Variants in SLC30A7 observed in about 807,000 individuals in gnomAD.
SLC30A7 encodes zinc transporter 7.
SLC30A7 carries 35 observed loss-of-function variants against 46.0 expected under a neutral mutation model. The ratio of observed to expected loss-of-function variants is 0.76; its 90% confidence interval spans 0.58 to 1.01. The LOEUF (loss-of-function observed/expected upper bound fraction) is 1.01, where lower values mean the gene tolerates loss of function less well. Among genes scored for constraint, SLC30A7 ranks in the 50% least tolerant of loss-of-function variants. SLC30A7 has a pLI of 0.00. For missense variants in SLC30A7, 464 were observed against 451.1 expected (o/e 1.03, Z -0.26); for synonymous variants, 147 against 157.8 (o/e 0.93, Z 0.51).
intron 8 of SLC30A7, among the ~76,000 whole-genome samples, chr1:100,940,364 G>C (rs1224930403): frequency 6.6e-6 from 1 of 152,158 alleles, no homozygotes; most frequent in Admixed American, 6.5e-5. Context: ...TTAAGGGGTA[G>C]CTGTGGCTCA....
chr1:100,959,892 G>C (rs1032016457), intron 8 of SLC30A7, among the ~76,000 whole-genome samples: 2 of 152,140 alleles, frequency 1.3e-5, no homozygotes, highest in Non-Finnish European at 2.9e-5. Flanking sequence ...GGACCACTTA[G>C]GAAGCTATTA....
chr1:100,974,551 A>T (rs1001059726), intron 10 of SLC30A7, among the ~76,000 whole-genome samples: 2 of 152,162 alleles, frequency 1.3e-5, no homozygotes, highest in Non-Finnish European at 2.9e-5. Context: ...GTAGAAGGTG[A>T]ACTGCATTTT....
intron 2 of SLC30A7, among the ~76,000 whole-genome samples, chr1:100,899,544 A>T (rs1196665096): frequency 6.6e-6 from 1 of 152,158 alleles, no homozygotes; most frequent in African/African-American, 2.4e-5. Flanking sequence ...CAAGTTACAG[A>T]AAAACTCTGC....
intron 8 of SLC30A7, among the ~76,000 whole-genome samples, chr1:100,950,253 C>T (rs888059723): frequency 2.3e-4 from 35 of 152,310 alleles, no homozygotes; most frequent in African/African-American, 7.5e-4. Context: ...AGTCATACCT[C>T]AGCAACTAAA....
chr1:100,905,199 T>G (rs1651571516), intron 2 of SLC30A7, among the ~76,000 whole-genome samples: 1 of 152,202 alleles, frequency 6.6e-6, no homozygotes, highest in African/African-American at 2.4e-5. Flanking sequence ...TGACAGTATT[T>G]TTTTTCTCTT....
At chr1:100,933,740 A>C (rs1379711021) in intron 8 of SLC30A7, among the ~76,000 whole-genome samples, 1 of 152,334 alleles carries the variant, frequency 6.6e-6, no homozygotes, top group Admixed American at 6.5e-5. Flanking sequence ...TACAAAGGAC[A>C]TGAACTCATC....
downstream of SLC30A7, among the ~76,000 whole-genome samples, chr1:100,984,161 CT>C (rs1657139420): frequency 1.3e-5 from 2 of 152,148 alleles, no homozygotes; most frequent in African/African-American, 4.8e-5. Flanking sequence ...GGAACTAAAA[CT>C]TTGGGGGAGG....
intron 6 of SLC30A7, among the ~76,000 whole-genome samples, chr1:100,914,444 C>G (rs1442950133): frequency 1.3e-5 from 2 of 152,016 alleles, no homozygotes; most frequent in Non-Finnish European, 2.9e-5. Context: ...GCCTTTTGTG[C>G]TATATTGGCT....
At chr1:100,943,500 T>C (rs1306925363) in intron 8 of SLC30A7, among the ~76,000 whole-genome samples, 1 of 152,188 alleles carries the variant, frequency 6.6e-6, no homozygotes, top group Non-Finnish European at 1.5e-5. Flanking sequence ...ATAGGCATGA[T>C]TGATTAATTG....
chr1:100,990,067 TATAAAAGAG>T, the SLC30A7 span: 1 of 283,742 alleles, frequency 3.5e-6, no homozygotes. Context: ...ACTGGGTAAT[TATAAAAGAG>T]GTTTAATTTT....
At chr1:100,913,900 C>A in intron 6 of SLC30A7, 94 bp downstream of exon 6, 1 of 1,494,526 alleles carries the variant, frequency 6.7e-7, no homozygotes, top group African/African-American at 1.4e-5. Context: ...TAAAAAGATA[C>A]CAAATCAACT....
chr1:100,903,855 G>A (rs1304575541), intron 2 of SLC30A7, among the ~76,000 whole-genome samples: 1 of 152,034 alleles, frequency 6.6e-6, no homozygotes, highest in Non-Finnish European at 1.5e-5. Flanking sequence ...CTTTTAGTTT[G>A]TAGCACTTCC....
Position 100,976,281 on chromosome 1 carries a change from C to G in SLC30A7, c.*1424C>G, listed in dbSNP as rs1211209051. The stretch of plus-strand genomic sequence containing the variant: ...TTTGGCTTTTTCATTCTTCAAATGC[C>G]AAGTCATCCACTTTGTTTTCCTGTT... On this transcript the variant is annotated 3_prime_UTR_variant, in exon 11 of 11. Coordinates refer to ENST00000357650, the MANE Select transcript of SLC30A7 (RefSeq NM_133496.5). 1 of 152,146 alleles carries G rather than the reference C, an allele frequency of 6.6e-6. No homozygotes were observed. The highest frequency in any genetic ancestry group is 1.5e-5 in the Non-Finnish European group (1 of 68,028). 9.4% of individuals were successfully genotyped at this position (152,146 alleles called of 1,614,324 possible).
chr1:100,991,170 G>A, the SLC30A7 span, among the ~76,000 whole-genome samples: 1 of 152,190 alleles, frequency 6.6e-6, no homozygotes, highest in African/African-American at 2.4e-5. Flanking sequence ...GTAGATATGA[G>A]ACTAGTAGAC....
chr1:100,918,108 C>G lies in SLC30A7; in HGVS notation c.687C>G (p.Pro229=). The change falls in exon 7 of 11, where the codon CCC becomes CCG. Residue 229 remains proline (P), a synonymous_variant. Coordinates refer to ENST00000357650, the MANE Select transcript of SLC30A7 (RefSeq NM_133496.5). The part of the protein sequence containing the change: ...DGPSLKETTG[P]SRQILQGVFL... The stretch of plus-strand genomic sequence containing the variant: ...CGTCCTTAAAAGAAACAACAGGACC[C>G]AGCAGACAGATTTTACAAGGTATGA... 6.2e-7 allele frequency: 1 copy of G among 1,612,596 alleles called. No individual in the cohort carries two copies.
intron 5 of SLC30A7, among the ~76,000 whole-genome samples, chr1:100,912,983 A>C (rs184445068): frequency 7.2e-5 from 11 of 152,096 alleles, no homozygotes; most frequent in Admixed American, 7.2e-4. Flanking sequence ...GATTTAATTT[A>C]CTGGTATTTA....
chr1:100,969,099 A>G (rs1656014664), intron 10 of SLC30A7, among the ~76,000 whole-genome samples: 1 of 152,244 alleles, frequency 6.6e-6, no homozygotes, highest in Non-Finnish European at 1.5e-5. Flanking sequence ...TAATCAAGAC[A>G]TACACTACTA....
intron 8 of SLC30A7, among the ~76,000 whole-genome samples, chr1:100,956,583 C>T (rs1010434622): frequency 5.3e-5 from 8 of 152,264 alleles, no homozygotes; most frequent in South Asian, 2.1e-4. Context: ...AGATGGGATT[C>T]ACCATCTGTT....
chr1:100,974,842 C>T lies in SLC30A7; in HGVS notation c.1116C>T (p.Asp372=), dbSNP rs17855272. Residue 372 remains aspartate (D), a synonymous_variant, in exon 11 of 11, where the codon GAC becomes GAT. Coordinates refer to ENST00000357650, the MANE Select transcript of SLC30A7 (RefSeq NM_133496.5). ...TGAGACAGCTCTACGTACAGATTGACTTTGCAGCCATGTAGTGAATGGAAA... is the reference window on the plus strand; with the variant it reads ...TGAGACAGCTCTACGTACAGATTGATTTTGCAGCCATGTAGTGAATGGAAA... ...AGVRQLYVQI[D]FAAM 18 of 1,599,804 alleles carry T rather than the reference C, an allele frequency of 1.1e-5. No individual in the cohort carries two copies. In the South Asian group the frequency reaches 2.0e-4, roughly 18 times the overall value.
Sources: gnomAD v4.1 joint callset for allele counts (sites outside exome capture counted in the v4.1 genomes callset) on GRCh38, gnomAD v4.1.1 for gene constraint, MANE v1.5 for transcripts, NCBI Gene and HGNC (gene_info 2026-07-23, HGNC 2026-07-21) for gene names.